Variants in ESRP1 observed in about 807,000 individuals in gnomAD.
ESRP1 encodes RNA-binding motif protein 35A.
A neutral mutation model predicts 81.7 loss-of-function variants in ESRP1; 33 were observed. The ratio of observed to expected loss-of-function variants is 0.40; its 90% CI spans 0.31 to 0.54. The LOEUF (loss-of-function observed/expected upper bound fraction) is 0.54. ESRP1 is among the 20% of genes least tolerant of loss of function. The probability of loss-of-function intolerance (pLI) is 0.41; values close to 1 mark genes in which losing one functional copy is unlikely to be tolerated. For missense variants in ESRP1, 672 were observed against 833.1 expected (o/e 0.81, Z 2.38); for synonymous variants, 320 against 303.3 (o/e 1.06, Z -0.57).
At chr8:94,657,960 G>A (rs904312049) in intron 4 of ESRP1, among the ~76,000 whole-genome samples, 5 of 152,166 alleles carry the variant, frequency 3.3e-5, no homozygotes, top group Non-Finnish European at 7.3e-5. Context: ...ACCCGGGCTG[G>A]AGTGCAGCGG....
intron 1 of ESRP1, 33 bp downstream of exon 1, chr8:94,641,483 A>C (rs1157056501): frequency 6.8e-6 from 11 of 1,613,310 alleles, no homozygotes; most frequent in Non-Finnish European, 7.6e-6. Flanking sequence ...AAATGCAAGG[A>C]ATGGGGCAAG....
intron 4 of ESRP1, among the ~76,000 whole-genome samples, chr8:94,661,142 G>A (rs894138600): frequency 6.6e-6 from 1 of 152,140 alleles, no homozygotes; most frequent in Non-Finnish European, 1.5e-5. Flanking sequence ...CCGGGTTCAA[G>A]CGATTCTCTT....
intron 4 of ESRP1, among the ~76,000 whole-genome samples, chr8:94,652,512 C>T (rs913988531): frequency 2.4e-4 from 36 of 151,182 alleles, no homozygotes; most frequent in African/African-American, 7.8e-4. Context: ...AGATCCCTTA[C>T]GGAAATTAAT....
At chr8:94,667,726 A>G (rs1179206123) in intron 9 of ESRP1, among the ~76,000 whole-genome samples, 2 of 152,176 alleles carry the variant, frequency 1.3e-5, no homozygotes, top group Non-Finnish European at 2.9e-5. Context: ...CCGTGATTTA[A>G]TTGTCTTGCC....
In ESRP1 at chr8:94,692,589, TTC is replaced by T. The variant is rs1213981545; in HGVS notation, c.1821-86_1821-85del. On this transcript the variant is annotated intron_variant, in intron 13 of 15. Transcript: ENST00000433389. ...GTATAAGAAAGGTTGCCTTGAGAAA[TTC>T]TGTTTCCTTAAGTAACTAATGTTTT... is the stretch of plus-strand genomic sequence containing the variant. 19 of 1,425,590 alleles carry T rather than the reference TTC, an allele frequency of 1.3e-5. No individual in the cohort carries two copies. The African/African-American group carries it at 2.0e-4, about 15-fold the overall frequency. 88.3% of individuals were successfully genotyped at this position (1,425,590 alleles called of 1,614,324 possible).
chr8:94,674,918 A>G (rs1029993753), intron 12 of ESRP1, among the ~76,000 whole-genome samples: 5 of 152,198 alleles, frequency 3.3e-5, no homozygotes, highest in African/African-American at 9.7e-5. Flanking sequence ...TTTGATGCAC[A>G]TGTTGCATTT....
chr8:94,682,932 ATTTTTTT>A (rs869078492), intron 13 of ESRP1, among the ~76,000 whole-genome samples: 5 of 18,090 alleles, frequency 2.8e-4, no homozygotes, highest in Admixed American at 1.2e-3. Flanking sequence ...ATATATATAT[ATTTTTTT>A]TTTTTTTTTT....
intron 4 of ESRP1, among the ~76,000 whole-genome samples, chr8:94,659,398 C>T (rs1818603074): frequency 6.6e-6 from 1 of 152,256 alleles, no homozygotes; most frequent in East Asian, 1.9e-4. Context: ...TATTAGGTGG[C>T]AAACTTAATT....
intron 11 of ESRP1, 88 bp downstream of exon 11, chr8:94,671,759 G>T: frequency 1.2e-6 from 1 of 827,194 alleles, no homozygotes; most frequent in East Asian, 2.9e-5. Flanking sequence ...TAATCTATTA[G>T]AAATATCTAA....
intron 15 of ESRP1, among the ~76,000 whole-genome samples, chr8:94,701,548 G>A (rs1426683460): frequency 6.6e-6 from 1 of 151,878 alleles, no homozygotes; most frequent in Non-Finnish European, 1.5e-5. Context: ...CAGAAAGGGT[G>A]TTTTTCTCCA....
chr8:94,665,154 G>A lies in ESRP1; in HGVS notation c.889G>A (p.Val297Ile). The A allele has an allele frequency of 6.2e-7, 1 of 1,613,574 alleles. No individual in the cohort carries two copies. The highest frequency in any genetic ancestry group is 8.5e-7 in the Non-Finnish European group (1 of 1,179,752). The change falls in exon 9 of 16, where the codon GTT (valine) becomes ATT (isoleucine). Residue 297 changes from valine to isoleucine, a missense_variant and splice_region_variant. Transcript: ENST00000433389. ...KHHMGTRYIE[V>I]YKATGEDFLK... is the part of the protein sequence containing the mutation. ...CACTAACTTCTCTGTCTTTTCTCAGGTTTACAAAGCAACAGGTGAAGATTT... is the reference window on the plus strand; with the variant it reads ...CACTAACTTCTCTGTCTTTTCTCAGATTTACAAAGCAACAGGTGAAGATTT...
intron 11 of ESRP1, among the ~76,000 whole-genome samples, chr8:94,672,085 TCAACTCTG>T (rs1216660359): frequency 6.6e-6 from 1 of 152,220 alleles, no homozygotes; most frequent in African/African-American, 2.4e-5. Flanking sequence ...TTTTGGCTGT[TCAACTCTG>T]CAACTCTGCT....
chr8:94,641,832 C>T, intron 1 of ESRP1, 124 bp from the exon 2 acceptor site: 2 of 1,456,510 alleles, frequency 1.4e-6, no homozygotes, highest in Non-Finnish European at 1.8e-6. Context: ...GAGTCGAGAG[C>T]TTTGATTCTG....
intron 4 of ESRP1, among the ~76,000 whole-genome samples, chr8:94,648,124 G>T (rs949802763): frequency 2.6e-5 from 4 of 152,212 alleles, no homozygotes; most frequent in African/African-American, 9.7e-5. Context: ...GGACGTGGTT[G>T]CATGAGACTG....
intron 15 of ESRP1, among the ~76,000 whole-genome samples, chr8:94,702,623 A>G (rs1235833321): frequency 6.6e-6 from 1 of 152,240 alleles, no homozygotes. Context: ...AGCTGGGACT[A>G]CAGGCGCACA....
intron 2 of ESRP1, 45 bp downstream of exon 2, chr8:94,642,129 C>T: frequency 2.5e-6 from 4 of 1,593,160 alleles, no homozygotes; most frequent in African/African-American, 1.3e-5. Context: ...TGGGCCCAAC[C>T]CCACCGCACC....
chr8:94,649,341 C>T (rs1817999939), intron 4 of ESRP1, among the ~76,000 whole-genome samples: 1 of 152,112 alleles, frequency 6.6e-6, no homozygotes, highest in African/African-American at 2.4e-5. Context: ...GCCACCATAT[C>T]CTGGCCTCAT....
chr8:94,668,739 C>T (rs1051600178), intron 10 of ESRP1, among the ~76,000 whole-genome samples: 3 of 149,032 alleles, frequency 2.0e-5, no homozygotes, highest in African/African-American at 2.5e-5. Context: ...AAGGCTTCAT[C>T]GGTTTCATAC....
intron 11 of ESRP1, among the ~76,000 whole-genome samples, chr8:94,672,528 C>G (rs1442659740): frequency 2.0e-5 from 3 of 151,130 alleles, no homozygotes; most frequent in Non-Finnish European, 4.4e-5. Flanking sequence ...GTAGTTGAAA[C>G]TTTGGAACTT....
Sources: gnomAD v4.1 joint callset for allele counts (sites outside exome capture counted in the v4.1 genomes callset) on GRCh38, gnomAD v4.1.1 for gene constraint, MANE v1.5 for transcripts, NCBI Gene and HGNC (gene_info 2026-07-23, HGNC 2026-07-21) for gene names.